The following KCNH7 variants were observed in gnomAD, a reference collection of about 807,000 sequenced individuals.
KCNH7 encodes the protein potassium voltage-gated channel subfamily H member 7, also known as voltage-gated inwardly rectifying potassium channel KCNH7.
KCNH7 carries 49 observed loss-of-function variants against 120.8 expected under a neutral mutation model. That is an observed-to-expected ratio of 0.41 (90% CI 0.32 to 0.51). The LOEUF is 0.51. Among genes scored for constraint, KCNH7 ranks in the 20% least tolerant of loss-of-function variants. The pLI is 0.38. For missense variants in KCNH7, 1,097 were observed against 1,446.6 expected (o/e 0.76, Z 3.92); for synonymous variants, 547 against 516.1 (o/e 1.06, Z -0.81).
chr2:162,407,471 G>C (rs910644836), intron 9 of KCNH7, among the ~76,000 whole-genome samples: 1 of 152,010 alleles, frequency 6.6e-6, no homozygotes, highest in Admixed American at 6.6e-5. Context: ...GTAGAAGTGT[G>C]GGTGATGATG....
chr2:162,577,700 A>T (rs1162072563), intron 2 of KCNH7, among the ~76,000 whole-genome samples: 1 of 151,958 alleles, frequency 6.6e-6, no homozygotes, highest in African/African-American at 2.4e-5. Flanking sequence ...GATGAGGAAG[A>T]TTCAAGGGAG....
chr2:162,727,467 T>G (rs1362500971), intron 2 of KCNH7, among the ~76,000 whole-genome samples: 1 of 152,170 alleles, frequency 6.6e-6, no homozygotes, highest in African/African-American at 2.4e-5. Flanking sequence ...CCCTTACATC[T>G]TTTTGTAGTT....
At chr2:162,761,801 A>C (rs749294914) in intron 2 of KCNH7, among the ~76,000 whole-genome samples, 12 of 152,102 alleles carry the variant, frequency 7.9e-5, no homozygotes, top group Non-Finnish European at 1.0e-4. Flanking sequence ...GGATTCGATA[A>C]GAGTGGATGG....
At chr2:162,813,641 T>C (rs1271022176) in intron 2 of KCNH7, among the ~76,000 whole-genome samples, 2 of 152,234 alleles carry the variant, frequency 1.3e-5, no homozygotes, top group Non-Finnish European at 2.9e-5. Context: ...CTCAAATTTC[T>C]ACTAAGTCTG....
chr2:162,571,203 G>A lies in KCNH7; in HGVS notation c.308-34123C>T, dbSNP rs192807093. ...GATAAGCAACTTCAGAAAGTCTCAC[G>A]ATACAAAATCAATGTACAAAAATCA... is the stretch of plus-strand genomic sequence containing the variant. On this transcript the variant is annotated intron_variant, in intron 2 of 15. Coordinates refer to ENST00000332142, the MANE Select transcript of KCNH7 (RefSeq NM_033272.4). 1.4e-3 allele frequency among the ~76,000 whole-genome samples: 213 copies of A among 152,002 alleles called. 5 individuals carry two copies. The highest frequency in any genetic ancestry group is 4.9e-3 in the African/African-American group (204 of 41,458).
At chr2:162,710,135 A>G (rs1686869964) in intron 2 of KCNH7, among the ~76,000 whole-genome samples, 1 of 152,160 alleles carries the variant, frequency 6.6e-6, no homozygotes, top group Non-Finnish European at 1.5e-5. Context: ...GCTTTGCTCC[A>G]TATCGTATGA....
At position 162,384,880 on chromosome 2, in the gene KCNH7, T is replaced by C. The variant is rs1200353591; in HGVS notation, c.2770A>G (p.Lys924Glu). Residue 924 changes from lysine to glutamate, a missense_variant, in exon 13 of 16, where the codon AAG (lysine) becomes GAG (glutamate). Physicochemically the swap from Lys to Glu is moderately conservative, Grantham distance 56. Transcript: ENST00000332142. ...ADTIRHYQSS[K>E]RHFEEKKSRS... ...CTTTTTTTCTCTTCAAAGTGTCTCTTGGAACTCTGATAATGTCTTATGGTA... is the reference window on the plus strand; with the variant it reads ...CTTTTTTTCTCTTCAAAGTGTCTCTCGGAACTCTGATAATGTCTTATGGTA... 1 of 1,612,276 alleles carries C rather than the reference T, an allele frequency of 6.2e-7. No homozygotes were observed. The highest frequency in any genetic ancestry group is 8.5e-7 in the Non-Finnish European group (1 of 1,178,754).
At chr2:162,522,126 C>A (rs778678102) in intron 3 of KCNH7, among the ~76,000 whole-genome samples, 5 of 151,896 alleles carry the variant, frequency 3.3e-5, no homozygotes, top group Non-Finnish European at 7.4e-5. Context: ...CTACTAATAA[C>A]TTTTATATGC....
intron 2 of KCNH7, among the ~76,000 whole-genome samples, chr2:162,808,103 C>CA (rs1164063930): frequency 1.1e-4 from 17 of 152,172 alleles, no homozygotes; most frequent in African/African-American, 4.1e-4. Flanking sequence ...TATAAAATGG[C>CA]ATGATATTTG....
At chr2:162,385,033 C>T (rs1456877295) in intron 12 of KCNH7, 94 bp from the exon 13 acceptor site, 2 of 954,728 alleles carry the variant, frequency 2.1e-6, no homozygotes, top group Admixed American at 5.6e-5. Flanking sequence ...TATATATAAA[C>T]TAGCTTTTTC....
chr2:162,713,320 G>A (rs1437245289), intron 2 of KCNH7, among the ~76,000 whole-genome samples: 1 of 152,158 alleles, frequency 6.6e-6, no homozygotes, highest in Admixed American at 6.5e-5. Context: ...GAAAACTGCT[G>A]TTTGAGCCAC....
Position 162,689,770 on chromosome 2 carries a change from C to T in KCNH7, c.307+146767G>A, listed in dbSNP as rs545961350. ...GTTTTAGTTCTAGGCATTATGTTTGCTTTCCCAGCAGAAAATATATTTTTA... is the reference window on the plus strand; with the variant it reads ...GTTTTAGTTCTAGGCATTATGTTTGTTTTCCCAGCAGAAAATATATTTTTA... On this transcript the variant is annotated intron_variant, in intron 2 of 15. Transcript: ENST00000332142. Among the ~76,000 whole-genome samples, 14 of 152,092 alleles carry T rather than the reference C, an allele frequency of 9.2e-5. No individual in the cohort carries two copies. In the South Asian group the frequency reaches 2.9e-3, roughly 32 times the overall value.
At chr2:162,391,196 C>T (rs912982665) in intron 12 of KCNH7, among the ~76,000 whole-genome samples, 2 of 152,028 alleles carry the variant, frequency 1.3e-5, no homozygotes, top group African/African-American at 2.4e-5. Flanking sequence ...ACTAACACTA[C>T]AAAAATGAAT....
intron 2 of KCNH7, among the ~76,000 whole-genome samples, chr2:162,662,812 G>A (rs1177683708): frequency 6.6e-6 from 1 of 152,146 alleles, no homozygotes; most frequent in Non-Finnish European, 1.5e-5. Flanking sequence ...ATGATTGTGT[G>A]CACAGCTTTT....
intron 2 of KCNH7, among the ~76,000 whole-genome samples, chr2:162,599,280 G>GA (rs1325100801): frequency 6.6e-6 from 1 of 151,842 alleles, no homozygotes; most frequent in Non-Finnish European, 1.5e-5. Context: ...ACAATTCTCA[G>GA]AAATTAGCCT....
chr2:162,510,639 G>GT (rs2105768056), intron 5 of KCNH7, among the ~76,000 whole-genome samples: 1 of 151,638 alleles, frequency 6.6e-6, no homozygotes, highest in African/African-American at 2.4e-5. Flanking sequence ...ACCAAAAAAT[G>GT]TTTTTTGGTT....
chr2:162,730,933 T>C (rs1559104895), intron 2 of KCNH7, among the ~76,000 whole-genome samples: 2 of 151,960 alleles, frequency 1.3e-5, no homozygotes, highest in African/African-American at 2.4e-5. Flanking sequence ...TCTATCCTTA[T>C]AATATACACA....
At chr2:162,619,758 T>C (rs997823190) in intron 2 of KCNH7, among the ~76,000 whole-genome samples, 15 of 152,114 alleles carry the variant, frequency 9.9e-5, no homozygotes, top group African/African-American at 2.7e-4. Context: ...GGTTGCTCCA[T>C]AGTGATTAAA....
intron 2 of KCNH7, among the ~76,000 whole-genome samples, chr2:162,728,347 TTGAG>T (rs568623457): frequency 2.4e-4 from 36 of 152,308 alleles, no homozygotes; most frequent in African/African-American, 7.9e-4. Context: ...ATGAAGCTGT[TTGAG>T]TGGTGTTTTT....
Sources: gnomAD v4.1 joint callset for allele counts (sites outside exome capture counted in the v4.1 genomes callset) on GRCh38, gnomAD v4.1.1 for gene constraint, MANE v1.5 for transcripts, NCBI Gene and HGNC (gene_info 2026-07-23, HGNC 2026-07-21) for gene names.